Variants in CPLANE1 observed in about 807,000 individuals in gnomAD.
The protein encoded by CPLANE1 is ciliogenesis and planar polarity effector 1.
A neutral mutation model predicts 362.5 loss-of-function variants in CPLANE1; 263 were observed. The ratio of observed to expected loss-of-function variants is 0.73; its 90% CI spans 0.66 to 0.80. The LOEUF is 0.80. Ranked by LOEUF, CPLANE1 falls within the 30% of genes least tolerant of loss-of-function variation. CPLANE1 has a pLI of 0.00. For missense variants in CPLANE1, 3,461 were observed against 3,793.4 expected (o/e 0.91, Z 2.30); for synonymous variants, 1,212 against 1,302.6 (o/e 0.93, Z 1.50).
intron 52 of CPLANE1, among the ~76,000 whole-genome samples, chr5:37,108,027 T>A (rs1758036368): frequency 6.6e-6 from 1 of 152,202 alleles, no homozygotes; most frequent in Non-Finnish European, 1.5e-5. Context: ...GAACGGATGT[T>A]GATACTTGTA....
intron 43 of CPLANE1, among the ~76,000 whole-genome samples, chr5:37,143,983 A>G (rs888453518): frequency 2.0e-5 from 3 of 151,696 alleles, no homozygotes; most frequent in Non-Finnish European, 4.4e-5. Context: ...GAGGTCCAAC[A>G]TGCCTCTATT....
At chr5:37,078,042 A>C in the CPLANE1 span, among the ~76,000 whole-genome samples, 1 of 152,180 alleles carries the variant, frequency 6.6e-6, no homozygotes, top group Non-Finnish European at 1.5e-5. Flanking sequence ...AAACCACTAA[A>C]AAACAATTTT....
chr5:37,212,507 A>G (rs1792900110), intron 16 of CPLANE1: 3 of 592,072 alleles, frequency 5.1e-6, no homozygotes, highest in Non-Finnish European at 9.4e-6. Flanking sequence ...AAAAAAAAAA[A>G]AAGAAAGAAA....
At chr5:37,198,034 T>C (rs1367438810) in intron 20 of CPLANE1, among the ~76,000 whole-genome samples, 1 of 152,248 alleles carries the variant, frequency 6.6e-6, no homozygotes, top group Non-Finnish European at 1.5e-5. Context: ...GCTGAATTAA[T>C]TTAATTTTAC....
rs1158143763 is a variant in CPLANE1 at position 37,230,954 on chromosome 5, C to G, written c.1034G>C (p.Gly345Ala). ...AAATGTAATTAATGTTAGCAATTCACCTTGGCAGGTCAATAAAACCAGAGA... is the reference window on the plus strand; with the variant it reads ...AAATGTAATTAATGTTAGCAATTCAGCTTGGCAGGTCAATAAAACCAGAGA... ...RGSLVLLTCQ[G>A]ELLTLITFGC... The change falls in exon 9 of 53, where the codon GGT becomes GCT. Residue 345 changes from glycine to alanine, a missense_variant. Gly to Ala is a moderately conservative substitution (Grantham distance 60, BLOSUM62 0). Transcript: ENST00000651892. 1 of 1,550,958 alleles carries G rather than the reference C, an allele frequency of 6.4e-7. No homozygotes were observed. The highest frequency in any genetic ancestry group is 2.0e-5 in the Admixed American group (1 of 50,844).
chr5:37,157,504 T>C (rs1241351363), intron 40 of CPLANE1, 84 bp from the exon 41 acceptor site: 1 of 1,184,450 alleles, frequency 8.4e-7, no homozygotes. Context: ...GATTCTAAAC[T>C]TCTAAATAAG....
At chr5:37,110,495 A>G (rs775185508) in intron 51 of CPLANE1, among the ~76,000 whole-genome samples, 5 of 152,166 alleles carry the variant, frequency 3.3e-5, no homozygotes, top group Non-Finnish European at 7.3e-5. Context: ...GCTTCATACT[A>G]AGAGCTGGAG....
intron 19 of CPLANE1, among the ~76,000 whole-genome samples, chr5:37,200,279 G>A (rs925597323): frequency 7.2e-5 from 11 of 152,182 alleles, no homozygotes; most frequent in Non-Finnish European, 1.2e-4. Flanking sequence ...CCTTACCAAG[G>A]AGAATTGCTT....
intron 16 of CPLANE1, chr5:37,210,143 T>C: frequency 9.9e-7 from 1 of 1,014,674 alleles, no homozygotes; most frequent in Non-Finnish European, 1.6e-6. Flanking sequence ...CTGAAGCCCT[T>C]GTTATTCGGG....
At chr5:37,088,821 G>C in the CPLANE1 span, among the ~76,000 whole-genome samples, 1 of 152,146 alleles carries the variant, frequency 6.6e-6, no homozygotes, top group Non-Finnish European at 1.5e-5. Context: ...CTGCCTCCAG[G>C]AACAGTGGGA....
chr5:37,086,127 C>G, the CPLANE1 span, among the ~76,000 whole-genome samples: 1 of 152,158 alleles, frequency 6.6e-6, no homozygotes, highest in Non-Finnish European at 1.5e-5. Flanking sequence ...ACTCCACTGA[C>G]AGCACTAGAC....
rs1757748240 is a variant in CPLANE1, at chr5:37,107,042, CAG to C, written c.*558_*559del. ...AGGCTTCAGGCTACAGGGCAGAAGA[CAG>C]AAGATCTCCTGGCCTCCATGAAACT... On this transcript the variant is annotated 3_prime_UTR_variant, in exon 53 of 53. Transcript: ENST00000651892. The C allele has an allele frequency of 1.0e-6, 1 of 985,408 alleles. No homozygotes were observed. Among genetic ancestry groups the C allele is most frequent in the African/African-American group, 1.7e-5 (1 of 57,364 alleles). 61.0% of individuals were successfully genotyped at this position (985,408 alleles called of 1,614,324 possible).
In CPLANE1 at chr5:37,162,486, C is replaced by T. The variant is rs754440323; in HGVS notation, c.7669G>A (p.Ala2557Thr). 2.5e-6 allele frequency: 4 copies of T among 1,609,988 alleles called. No homozygotes were observed. ...VKKKAIGSQD[A>T]STNTDPEHEP... ...TTACCTGGGTCTGTATTTGTACTTG[C>T]ATCTTGACTTCCTATAGCTTTCTTT... is the stretch of plus-strand genomic sequence containing the variant. Residue 2557 changes from alanine to threonine, a missense_variant, in exon 38 of 53, where the codon GCA becomes ACA. By Grantham distance (58) the Ala-to-Thr change is moderately conservative (BLOSUM62 0). Transcript: ENST00000651892.
chr5:37,115,758 G>C (rs1367834396), intron 50 of CPLANE1, among the ~76,000 whole-genome samples: 1 of 151,336 alleles, frequency 6.6e-6, no homozygotes, highest in Non-Finnish European at 1.5e-5. Flanking sequence ...CACCATGCCT[G>C]GCTACTTTTT....
At chr5:37,143,313 C>T (rs556826535) in intron 43 of CPLANE1, among the ~76,000 whole-genome samples, 31 of 152,192 alleles carry the variant, frequency 2.0e-4, no homozygotes, top group Middle Eastern at 3.4e-3. Context: ...AGTCAGTATG[C>T]AGATTCAACA....
chr5:37,128,050 C>G (rs533094498), intron 46 of CPLANE1, among the ~76,000 whole-genome samples: 9 of 152,042 alleles, frequency 5.9e-5, no homozygotes, highest in African/African-American at 2.2e-4. Context: ...AAAAAACAAA[C>G]AAACAAACAA....
chr5:37,231,298 G>A (rs533652404), intron 8 of CPLANE1, among the ~76,000 whole-genome samples: 3 of 152,072 alleles, frequency 2.0e-5, no homozygotes, highest in Non-Finnish European at 2.9e-5. Flanking sequence ...GAAAATATTC[G>A]GCCAGGCACC....
Position 37,226,056 on chromosome 5 carries a change from T to C in CPLANE1, c.2291+248A>G, listed in dbSNP as rs1333620295. 4.6e-5 allele frequency among the ~76,000 whole-genome samples: 7 copies of C among 152,092 alleles called. No individual in the cohort carries two copies. In the South Asian group the frequency reaches 1.2e-3, roughly 27 times the overall value. On this transcript the variant is annotated intron_variant, in intron 12 of 52. Coordinates refer to ENST00000651892, the MANE Select transcript of CPLANE1 (RefSeq NM_001384732.1). ...ATATTTAACATGATGTTTTGAAACGTACTTAAATATTTTAAAAAATAAAAT... is the reference window on the plus strand; with the variant it reads ...ATATTTAACATGATGTTTTGAAACGCACTTAAATATTTTAAAAAATAAAAT...
intron 46 of CPLANE1, among the ~76,000 whole-genome samples, chr5:37,126,842 G>GT (rs946730327): frequency 5.3e-5 from 8 of 151,794 alleles, no homozygotes; most frequent in Admixed American, 2.6e-4. Context: ...ATTTTAAAAA[G>GT]TTTTTTTTTA....
Sources: gnomAD v4.1 joint callset for allele counts (sites outside exome capture counted in the v4.1 genomes callset) on GRCh38, gnomAD v4.1.1 for gene constraint, MANE v1.5 for transcripts, NCBI Gene and HGNC (gene_info 2026-07-23, HGNC 2026-07-21) for gene names.